Variants in ST8SIA6 observed in about 807,000 individuals in gnomAD.
ST8SIA6 encodes ST8 alpha-N-acetyl-neuraminide alpha-2,8-sialyltransferase 6, also known as alpha-2,8-sialyltransferase 8F.
In ST8SIA6, 39 loss-of-function variants were observed where a neutral mutation model predicts 33.6. The observed-to-expected ratio is 1.16, with a 90% CI of 0.90 to 1.52. The LOEUF is 1.52. ST8SIA6 is among the 40% of genes most tolerant of loss of function. The pLI is 0.00. For synonymous variants in ST8SIA6, 172 were observed against 167.2 expected (o/e 1.03, Z -0.22); for missense variants, 441 against 443.8 (o/e 0.99, Z 0.06).
intron 3 of ST8SIA6, among the ~76,000 whole-genome samples, chr10:17,370,106 C>T (rs1184227049): frequency 6.6e-6 from 1 of 151,890 alleles, no homozygotes; most frequent in African/African-American, 2.4e-5. Flanking sequence ...TCAGCCTCCC[C>T]AGTAGCTGGG....
chr10:17,362,919 T>G (rs937445618), intron 3 of ST8SIA6, among the ~76,000 whole-genome samples: 1 of 151,926 alleles, frequency 6.6e-6, no homozygotes, highest in African/African-American at 2.4e-5. Context: ...ACCATGTTGG[T>G]CAGGCTGATC....
At chr10:17,325,041 A>T (rs1848081099) in intron 6 of ST8SIA6, among the ~76,000 whole-genome samples, 1 of 142,470 alleles carries the variant, frequency 7.0e-6, no homozygotes, top group African/African-American at 2.5e-5. Context: ...TGTATTTATT[A>T]TATGTATATA....
intron 2 of ST8SIA6, among the ~76,000 whole-genome samples, chr10:17,451,271 A>AATGTCTTTTG (rs1276575773): frequency 6.6e-6 from 1 of 152,022 alleles, no homozygotes; most frequent in African/African-American, 2.4e-5. Flanking sequence ...AATGTCTTTT[A>AATGTCTTTTG]CAGCAACAGG....
chr10:17,327,179 T>C (rs975538617), intron 5 of ST8SIA6, 53 bp from the exon 6 acceptor site: 5 of 1,350,280 alleles, frequency 3.7e-6, no homozygotes, highest in East Asian at 4.7e-5. Flanking sequence ...TTTAGAACCA[T>C]AGACAACAGC....
At chr10:17,380,828 T>A (rs1850111862) in intron 3 of ST8SIA6, among the ~76,000 whole-genome samples, 1 of 135,470 alleles carries the variant, frequency 7.4e-6, no homozygotes, top group African/African-American at 2.7e-5. Flanking sequence ...TACGTTTGTG[T>A]GTTTGTATGT....
intron 1 of ST8SIA6, among the ~76,000 whole-genome samples, 198 bp from the exon 2 acceptor site, chr10:17,453,855 C>A (rs79275008): frequency 0.024 from 3,580 of 152,284 alleles, 155 homozygotes; most frequent in African/African-American, 0.082. Context: ...AGCATGAGAT[C>A]CTGATGCGGA....
rs772293331 is a variant in ST8SIA6 at position 17,320,971 on chromosome 10, A to G, written c.1104T>C (p.Gly368=). The G allele has an allele frequency of 1.2e-6, 2 of 1,614,074 alleles. No homozygotes were observed. The highest frequency in any genetic ancestry group is 2.2e-5 in the South Asian group (2 of 91,082). ...TGTATTCTTTGGGCATCTGATGGAA[A>G]CCATGTTTAGGTAGCTTGTTGTCAT... ...HYYDNKLPKH[G]FHQMPKEYSQ... The change falls in exon 8 of 8, where the codon GGT becomes GGC. Residue 368 remains glycine, a synonymous_variant. Coordinates refer to ENST00000377602, the MANE Select transcript of ST8SIA6 (RefSeq NM_001004470.3).
intron 4 of ST8SIA6, among the ~76,000 whole-genome samples, chr10:17,352,063 A>G (rs1227587099): frequency 6.6e-6 from 1 of 152,158 alleles, no homozygotes; most frequent in Non-Finnish European, 1.5e-5. Context: ...AAAAATGTTA[A>G]GCATATGAGC....
At chr10:17,404,991 C>A (rs546814284) in intron 2 of ST8SIA6, among the ~76,000 whole-genome samples, 1 of 152,200 alleles carries the variant, frequency 6.6e-6, no homozygotes, top group African/African-American at 2.4e-5. Context: ...CTCTCCCTCT[C>A]CCACACCACA....
intron 3 of ST8SIA6, among the ~76,000 whole-genome samples, chr10:17,371,401 G>C (rs1027281162): frequency 8.5e-5 from 13 of 152,148 alleles, no homozygotes; most frequent in African/African-American, 2.9e-4. Flanking sequence ...GTCCCGGATG[G>C]ATGAGGATGA....
intron 3 of ST8SIA6, among the ~76,000 whole-genome samples, chr10:17,380,918 C>A (rs201320781): frequency 1.4e-5 from 1 of 70,512 alleles, no homozygotes; most frequent in Non-Finnish European, 2.7e-5. Context: ...TGTGTTTGTG[C>A]GTGTGTGTGT....
At position 17,315,579 on chromosome 10, in the gene ST8SIA6, G is replaced by A. The variant is rs2131561376; in HGVS notation, c.*5299C>T. On this transcript the variant is annotated 3_prime_UTR_variant, in exon 8 of 8. Coordinates refer to ENST00000377602, the MANE Select transcript of ST8SIA6 (RefSeq NM_001004470.3). ...CTACAGATACACAATCAACATGAAT[G>A]AGTTTTAATATTATTATGTCGAGCA... Among the ~76,000 whole-genome samples the A allele has an allele frequency of 6.6e-6, 1 of 152,072 alleles. No homozygotes were observed. Among genetic ancestry groups the A allele is most frequent in the South Asian group, 2.1e-4 (1 of 4,826 alleles).
chr10:17,411,123 A>G (rs570739049), intron 2 of ST8SIA6, among the ~76,000 whole-genome samples: 2 of 152,280 alleles, frequency 1.3e-5, no homozygotes, highest in Non-Finnish European at 2.9e-5. Flanking sequence ...ATCACATGTC[A>G]TTTCAGACAA....
intron 3 of ST8SIA6, among the ~76,000 whole-genome samples, chr10:17,388,015 T>G (rs1444851818): frequency 6.6e-6 from 1 of 152,172 alleles, no homozygotes; most frequent in African/African-American, 2.4e-5. Context: ...AAACATAATT[T>G]CTGGTTATGT....
intron 3 of ST8SIA6, among the ~76,000 whole-genome samples, chr10:17,389,504 C>T (rs988473273): frequency 1.3e-5 from 2 of 152,144 alleles, no homozygotes; most frequent in Non-Finnish European, 2.9e-5. Context: ...GGACTGGGCA[C>T]CTTCTAGGAA....
At chr10:17,434,720 G>A (rs1317745161) in intron 2 of ST8SIA6, among the ~76,000 whole-genome samples, 1 of 151,578 alleles carries the variant, frequency 6.6e-6, no homozygotes, top group Admixed American at 6.6e-5. Flanking sequence ...ACCTGTGTCT[G>A]TAGGTGTTGG....
chr10:17,415,020 T>A (rs570507057), intron 2 of ST8SIA6, among the ~76,000 whole-genome samples: 1 of 152,254 alleles, frequency 6.6e-6, no homozygotes, highest in African/African-American at 2.4e-5. Flanking sequence ...TTCTCTTACA[T>A]AACTAGGGTT....
chr10:17,368,492 A>G (rs113341739), intron 3 of ST8SIA6, among the ~76,000 whole-genome samples: 2,007 of 151,728 alleles, frequency 0.013, 24 homozygotes, highest in Non-Finnish European at 0.022. Context: ...GAAATAATAC[A>G]TACATTAATA....
At chr10:17,348,148 A>G (rs775189727) in intron 4 of ST8SIA6, among the ~76,000 whole-genome samples, 21 of 151,686 alleles carry the variant, frequency 1.4e-4, no homozygotes, top group Non-Finnish European at 2.9e-4. Flanking sequence ...TAAAGAAACC[A>G]ATTTTCGTTG....
Sources: allele counts gnomAD v4.1 joint callset (sites outside exome capture counted in the v4.1 genomes callset), GRCh38; gene constraint gnomAD v4.1.1; transcripts MANE v1.5; gene names NCBI Gene and HGNC (gene_info 2026-07-23, HGNC 2026-07-21).